The following SERPINB7 variants were observed in gnomAD, a reference collection of about 807,000 sequenced individuals.
SERPINB7 encodes the protein serpin B7.
Under a neutral mutation model 37.4 loss-of-function variants are expected in SERPINB7, and 31 were observed. The observed-to-expected ratio is 0.83, with a 90% CI of 0.62 to 1.12. SERPINB7 has a LOEUF of 1.12. Ranked by LOEUF, SERPINB7 falls within the 50% of genes most tolerant of loss-of-function variation. SERPINB7 has a pLI of 0.00. For missense variants in SERPINB7, 521 were observed against 455.3 expected (o/e 1.14, Z -1.31); for synonymous variants, 163 against 166.1 (o/e 0.98, Z 0.14).
At chr18:63,792,706 A>C (rs2049442360) in intron 3 of SERPINB7, among the ~76,000 whole-genome samples, 2 of 152,228 alleles carry the variant, frequency 1.3e-5, no homozygotes, top group Non-Finnish European at 2.9e-5. Context: ...CTATCCTTTC[A>C]AAGCAAAGAA....
At position 63,758,312 on chromosome 18, in the gene SERPINB7, A is replaced by G. The variant is rs1045435007; in HGVS notation, c.-19+5192A>G. ...AAGCAGACATCAACAACAGCAATGG[A>G]ACAGATATCTTTTTCCTCAGATGCT... is the stretch of plus-strand genomic sequence containing the variant. On this transcript the variant is annotated intron_variant, in intron 1 of 7. Coordinates refer to the SERPINB7 transcript ENST00000336429. Among the ~76,000 whole-genome samples, 6 of 152,194 alleles carry G rather than the reference A, an allele frequency of 3.9e-5. No homozygotes were observed. The South Asian group carries it at 1.0e-3, about 26-fold the overall frequency.
intron 1 of SERPINB7, among the ~76,000 whole-genome samples, chr18:63,755,904 A>G (rs1487780519): frequency 1.3e-5 from 2 of 152,180 alleles, no homozygotes; most frequent in East Asian, 3.9e-4. Flanking sequence ...TAAAACAAAA[A>G]CTTCTATTCA....
chr18:63,771,430 A>G (rs1011969722), upstream of SERPINB7, among the ~76,000 whole-genome samples: 5 of 152,046 alleles, frequency 3.3e-5, no homozygotes, highest in African/African-American at 4.8e-5. Flanking sequence ...ATAATGATTG[A>G]TAGAATTGTA....
In SERPINB7 at chr18:63,798,618, G is replaced by A. The variant is rs752478728; in HGVS notation, c.469G>A (p.Val157Met). ...TTTTTCAAAAGGCAAAATCAAGAAC[G>A]TGATTGGTGAAGGTGGCATAAGCTC... ...ENETHGKIKN[V>M]IGEGGISSSA... The change falls in exon 6 of 8, where the codon GTG becomes ATG. Residue 157 changes from valine to methionine, a missense_variant. Physicochemically the swap from Val to Met is conservative, Grantham distance 21 (BLOSUM62 1). Coordinates refer to ENST00000398019, the MANE Select transcript of SERPINB7 (RefSeq NM_003784.4). The A allele has an allele frequency of 2.3e-5, 36 of 1,553,568 alleles. No individual in the cohort carries two copies. Among genetic ancestry groups the A allele is most frequent in the East Asian group, 9.4e-5 (4 of 42,522 alleles).
intron 1 of SERPINB7, among the ~76,000 whole-genome samples, chr18:63,764,830 C>T (rs2049172226): frequency 6.6e-6 from 1 of 151,974 alleles, no homozygotes; most frequent in African/African-American, 2.4e-5. Context: ...ATCATCACCT[C>T]ATATCTAAAG....
chr18:63,801,160 G>A (rs1319601820), intron 7 of SERPINB7, 148 bp downstream of exon 7: 2 of 765,320 alleles, frequency 2.6e-6, no homozygotes, highest in Non-Finnish European at 4.1e-6. Flanking sequence ...ATATTTAAGG[G>A]GTACCTAGTA....
chr18:63,804,666 C>T lies in SERPINB7; in HGVS notation c.*31C>T. On this transcript the variant is annotated 3_prime_UTR_variant, in exon 8 of 8. Coordinates refer to ENST00000398019, the MANE Select transcript of SERPINB7 (RefSeq NM_003784.4). ...CAATTGGTTTCTGTTATAGCAGTCC[C>T]CACAACATCAAAGAACCACCACAAG... 4 of 1,547,160 alleles carry T rather than the reference C, an allele frequency of 2.6e-6. No individual in the cohort carries two copies. Among genetic ancestry groups the T allele is most frequent in the Non-Finnish European group, 3.5e-6 (4 of 1,147,964 alleles).
At chr18:63,783,012 C>T (rs1244745779) in intron 2 of SERPINB7, among the ~76,000 whole-genome samples, 4 of 151,680 alleles carry the variant, frequency 2.6e-5, no homozygotes, top group Non-Finnish European at 4.4e-5. Flanking sequence ...GTGGCGGGCG[C>T]CTGTAGTCCC....
intron 1 of SERPINB7, among the ~76,000 whole-genome samples, chr18:63,755,582 A>G (rs2049117366): frequency 6.6e-6 from 1 of 152,224 alleles, no homozygotes; most frequent in African/African-American, 2.4e-5. Context: ...CAGATCTGCA[A>G]TTTGAAGAAT....
At chr18:63,785,814 A>C (rs1381308573) in intron 2 of SERPINB7, among the ~76,000 whole-genome samples, 1 of 150,320 alleles carries the variant, frequency 6.7e-6, no homozygotes, top group Admixed American at 6.7e-5. Context: ...AGTATTAAAA[A>C]GTGATTTTCC....
chr18:63,775,978 G>T (rs1438266173), intron 1 of SERPINB7, among the ~76,000 whole-genome samples: 2 of 152,004 alleles, frequency 1.3e-5, no homozygotes, highest in East Asian at 3.9e-4. Flanking sequence ...TCTCTTCCTT[G>T]GGCCATGTCA....
At chr18:63,766,563 G>C (rs1255150711) in intron 1 of SERPINB7, among the ~76,000 whole-genome samples, 2 of 152,090 alleles carry the variant, frequency 1.3e-5, no homozygotes, top group Non-Finnish European at 2.9e-5. Flanking sequence ...GTTTGCACTT[G>C]AAGGCTAAAC....
chr18:63,763,183 A>T (rs1371271036), intron 1 of SERPINB7, among the ~76,000 whole-genome samples: 1 of 152,168 alleles, frequency 6.6e-6, no homozygotes, highest in Non-Finnish European at 1.5e-5. Flanking sequence ...CAAAGTGCTG[A>T]CATAATTTTT....
intron 1 of SERPINB7, among the ~76,000 whole-genome samples, chr18:63,757,629 G>A (rs1106322): frequency 0.033 from 4,986 of 152,278 alleles, 126 homozygotes; most frequent in African/African-American, 0.066. Flanking sequence ...GTCTGCTTTA[G>A]TGTCACTGCT....
At chr18:63,766,534 T>TCAGGGATG (rs11280839) in intron 1 of SERPINB7, among the ~76,000 whole-genome samples, 4,704 of 152,184 alleles carry the variant, frequency 0.031, 117 homozygotes, top group African/African-American at 0.065. Context: ...ACTTTCCAGT[T>TCAGGGATG]CTATGTTGAG....
chr18:63,790,299 G>A (rs9947372), intron 2 of SERPINB7, among the ~76,000 whole-genome samples: 51,803 of 152,056 alleles, frequency 0.34, 10,065 homozygotes, highest in Middle Eastern at 0.5. Context: ...AAGGAGCAGA[G>A]GGGGCAAGTG....
In SERPINB7 at chr18:63,786,214, A is replaced by G. The variant is rs1044340457; in HGVS notation, c.168+3674A>G. 1.4e-3 allele frequency among the ~76,000 whole-genome samples: 94 copies of G among 69,506 alleles called. 11 individuals are homozygous for G. Among genetic ancestry groups the G allele is most frequent in the African/African-American group, 1.6e-3 (20 of 12,376 alleles). 45.6% of individuals were successfully genotyped at this position (69,506 alleles called of 152,430 possible). ...ACACCAGCATGGCACATACGTGTAT[A>G]TATATATATATATATATATACACAC... On this transcript the variant is annotated intron_variant, in intron 2 of 7. Coordinates refer to ENST00000398019, the MANE Select transcript of SERPINB7 (RefSeq NM_003784.4).
chr18:63,781,345 A>G (rs1198539962), intron 1 of SERPINB7, among the ~76,000 whole-genome samples: 1 of 152,264 alleles, frequency 6.6e-6, no homozygotes, highest in Non-Finnish European at 1.5e-5. Flanking sequence ...GAGAAATTAA[A>G]GACTTGACCC....
At position 63,800,967 on chromosome 18, in the gene SERPINB7, T is replaced by C; in HGVS notation, c.699T>C (p.Gly233=). Residue 233 remains glycine (G), a synonymous_variant, in exon 7 of 8, where the codon GGT becomes GGC. Transcript: ENST00000398019. The part of the protein sequence containing the change: ...SMKILELRYN[G]GINMYVLLPE... ...AGATTCTTGAGCTCAGATACAATGG[T>C]GGCATAAACATGTACGTTCTGCTGC... 6.2e-7 allele frequency: 1 copy of C among 1,613,964 alleles called. No homozygotes were observed. Among genetic ancestry groups the C allele is most frequent in the Middle Eastern group, 1.7e-4 (1 of 6,058 alleles).
Sources: gnomAD v4.1 joint callset for allele counts (sites outside exome capture counted in the v4.1 genomes callset) on GRCh38, gnomAD v4.1.1 for gene constraint, MANE v1.5 for transcripts, NCBI Gene and HGNC (gene_info 2026-07-23, HGNC 2026-07-21) for gene names.